The following SYT1 variants were observed in gnomAD, a reference collection of about 807,000 sequenced individuals.
The protein encoded by SYT1 is synaptotagmin-1.
In SYT1, 8 loss-of-function variants were observed where a neutral mutation model predicts 44.8. The ratio of observed to expected loss-of-function variants is 0.18; its 90% CI spans 0.10 to 0.32. The LOEUF is 0.32. Among genes scored for constraint, SYT1 ranks in the 10% least tolerant of loss-of-function variants. The pLI is 1.00. For missense variants in SYT1, 286 were observed against 509.3 expected (o/e 0.56, Z 4.22); for synonymous variants, 154 against 188.8 (o/e 0.82, Z 1.51).
intron 3 of SYT1, among the ~76,000 whole-genome samples, chr12:79,129,596 T>C (rs1400676774): frequency 6.6e-6 from 1 of 152,204 alleles, no homozygotes; most frequent in Non-Finnish European, 1.5e-5. Context: ...AAATTTGCTG[T>C]CTAATTCACC....
At chr12:79,178,847 G>A (rs534613177) in intron 3 of SYT1, among the ~76,000 whole-genome samples, 9 of 148,324 alleles carry the variant, frequency 6.1e-5, no homozygotes, top group South Asian at 4.2e-4. Context: ...GCGTGATCTC[G>A]GCTCACTGCA....
At chr12:79,137,321 C>T (rs1869262298) in intron 3 of SYT1, among the ~76,000 whole-genome samples, 1 of 152,256 alleles carries the variant, frequency 6.6e-6, no homozygotes, top group Admixed American at 6.5e-5. Context: ...GTCTCGAACT[C>T]CTGGCCTCAG....
intron 9 of SYT1, among the ~76,000 whole-genome samples, chr12:79,355,716 C>G (rs1883086874): frequency 6.6e-6 from 1 of 152,186 alleles, no homozygotes; most frequent in Non-Finnish European, 1.5e-5. Context: ...GTTTCCTTCA[C>G]CTGGAATTCT....
At chr12:79,040,642 T>C (rs955514950) in intron 2 of SYT1, among the ~76,000 whole-genome samples, 1 of 152,058 alleles carries the variant, frequency 6.6e-6, no homozygotes, top group Non-Finnish European at 1.5e-5. Context: ...ATCCCATTTG[T>C]CAATTTTGTC....
At chr12:79,296,012 T>A in intron 6 of SYT1, 57 bp from the exon 7 acceptor site, 1 of 1,534,906 alleles carries the variant, frequency 6.5e-7, no homozygotes, top group Non-Finnish European at 8.8e-7. Flanking sequence ...AACAAATCGA[T>A]CTTTTCCAAA....
intron 8 of SYT1, among the ~76,000 whole-genome samples, chr12:79,308,584 A>AAAG: frequency 7.7e-5 from 10 of 129,806 alleles, no homozygotes; most frequent in Middle Eastern, 3.8e-3. Context: ...AAAAGAAGGA[A>AAAG]AAGAAAGAAG....
intron 6 of SYT1, among the ~76,000 whole-genome samples, chr12:79,294,686 G>A (rs548727308): frequency 6.6e-6 from 1 of 152,264 alleles, no homozygotes; most frequent in South Asian, 2.1e-4. Context: ...AAGTGAGGAT[G>A]AGGAAGTAGA....
intron 1 of SYT1, among the ~76,000 whole-genome samples, chr12:78,881,250 A>G (rs980561798): frequency 1.3e-5 from 2 of 151,538 alleles, no homozygotes; most frequent in Non-Finnish European, 3.0e-5. Context: ...CCTTAACTAC[A>G]TCAATTTTAT....
At chr12:78,885,153 C>T (rs1874662293) in intron 1 of SYT1, among the ~76,000 whole-genome samples, 1 of 151,442 alleles carries the variant, frequency 6.6e-6, no homozygotes, top group Non-Finnish European at 1.5e-5. Flanking sequence ...CAAAATGTTT[C>T]AGTATTAATA....
At chr12:79,181,958 C>T (rs1872574801) in intron 3 of SYT1, among the ~76,000 whole-genome samples, 1 of 152,022 alleles carries the variant, frequency 6.6e-6, no homozygotes, top group Non-Finnish European at 1.5e-5. Flanking sequence ...TATAAGTCAT[C>T]TCCGTTTTAA....
intron 3 of SYT1, among the ~76,000 whole-genome samples, chr12:79,201,048 T>C (rs1321521719): frequency 6.6e-6 from 1 of 152,136 alleles, no homozygotes; most frequent in Non-Finnish European, 1.5e-5. Flanking sequence ...TTCCCAGCTG[T>C]TTCCAATTCC....
intron 1 of SYT1, among the ~76,000 whole-genome samples, chr12:78,866,854 T>A (rs1006707144): frequency 3.3e-5 from 5 of 152,138 alleles, no homozygotes; most frequent in Admixed American, 6.5e-5. Flanking sequence ...CACACTAATT[T>A]TGTATCTCAG....
chr12:79,297,087 G>C (rs971590333), intron 7 of SYT1, among the ~76,000 whole-genome samples: 1 of 152,112 alleles, frequency 6.6e-6, no homozygotes, highest in Non-Finnish European at 1.5e-5. Flanking sequence ...CAAACATTCT[G>C]GGATGAAATA....
At chr12:79,070,899 GA>G (rs1292283779) in intron 3 of SYT1, among the ~76,000 whole-genome samples, 1 of 152,068 alleles carries the variant, frequency 6.6e-6, no homozygotes, top group Non-Finnish European at 1.5e-5. Context: ...AAAAAAGAAA[GA>G]AAATTGTTTG....
At chr12:78,886,854 T>C (rs146822077) in intron 1 of SYT1, among the ~76,000 whole-genome samples, 2 of 152,092 alleles carry the variant, frequency 1.3e-5, no homozygotes. Context: ...ACAAGCTATA[T>C]GGGGTTAAGT....
chr12:78,886,848 G>A (rs1023445960), intron 1 of SYT1, among the ~76,000 whole-genome samples: 1 of 151,940 alleles, frequency 6.6e-6, no homozygotes, highest in African/African-American at 2.4e-5. Flanking sequence ...GCTGATACAA[G>A]CTATATGGGG....
At chr12:79,015,638 T>C (rs1429126158) in intron 2 of SYT1, among the ~76,000 whole-genome samples, 1 of 152,166 alleles carries the variant, frequency 6.6e-6, no homozygotes, top group Non-Finnish European at 1.5e-5. Flanking sequence ...GAAGTAAATA[T>C]AATCGCTCCC....
At position 79,062,893 on chromosome 12, in the gene SYT1, T is replaced by C. The variant is rs933187118; in HGVS notation, c.-18+15531T>C. Among the ~76,000 whole-genome samples the C allele has an allele frequency of 5.3e-5, 8 of 152,274 alleles. No homozygotes were observed. In the East Asian group the frequency reaches 1.4e-3, roughly 26 times the overall value. On this transcript the variant is annotated intron_variant, in intron 3 of 10. Coordinates refer to ENST00000261205, the MANE Select transcript of SYT1 (RefSeq NM_005639.3). Reference sequence around the variant, plus strand: ...ATGCTATCTATAATATTGACAACTCTGTAAGGTAGGTATCATTAAACCATT... The same window carrying C: ...ATGCTATCTATAATATTGACAACTCCGTAAGGTAGGTATCATTAAACCATT...
In SYT1 at chr12:78,979,952, T is replaced by C. The variant is rs185498388; in HGVS notation, c.-84+2021T>C. Among the ~76,000 whole-genome samples the C allele has an allele frequency of 1.3e-3, 202 of 152,270 alleles. 1 individual carries two copies. The highest frequency in any genetic ancestry group is 6.8e-3 in the Middle Eastern group (2 of 294). ...TTTTAAAGAATTTCAACCGATCTTTTTGTTAAGGTTTCCATTTAAATGAAT... is the reference window on the plus strand; with the variant it reads ...TTTTAAAGAATTTCAACCGATCTTTCTGTTAAGGTTTCCATTTAAATGAAT... On this transcript the variant is annotated intron_variant, in intron 2 of 10. Coordinates refer to ENST00000261205, the MANE Select transcript of SYT1 (RefSeq NM_005639.3).
Sources: gnomAD v4.1 joint callset for allele counts (sites outside exome capture counted in the v4.1 genomes callset) on GRCh38, gnomAD v4.1.1 for gene constraint, MANE v1.5 for transcripts, NCBI Gene and HGNC (gene_info 2026-07-23, HGNC 2026-07-21) for gene names.